The following ATP2B4 variants were observed in gnomAD, a reference collection of about 807,000 sequenced individuals.
ATP2B4 encodes plasma membrane calcium-transporting ATPase 4.
ATP2B4 carries 39 observed loss-of-function variants against 110.3 expected under a neutral mutation model. The ratio of observed to expected loss-of-function variants is 0.35; its 90% CI spans 0.27 to 0.46. The LOEUF (loss-of-function observed/expected upper bound fraction) is 0.46, where lower values mean the gene tolerates loss of function less well. Among genes scored for constraint, ATP2B4 ranks in the 20% least tolerant of loss-of-function variants. ATP2B4 has a pLI of 1.00. For synonymous variants in ATP2B4, 538 were observed against 571.7 expected, an observed-to-expected ratio of 0.94 and a Z score of 0.84; for missense variants, 1,135 against 1,530.9, an observed-to-expected ratio of 0.74 and a Z score of 4.32.
intron 1 of ATP2B4, among the ~76,000 whole-genome samples, chr1:203,680,197 C>T (rs1664960537): frequency 6.6e-6 from 1 of 151,992 alleles, no homozygotes; most frequent in Non-Finnish European, 1.5e-5. Context: ...AATGAAGCTG[C>T]CTTAGAATTT....
intron 2 of ATP2B4, among the ~76,000 whole-genome samples, chr1:203,696,512 G>A (rs1665537539): frequency 6.6e-6 from 1 of 152,056 alleles, no homozygotes; most frequent in Non-Finnish European, 1.5e-5. Flanking sequence ...CTGCCTCTGG[G>A]AAACCCTTCA....
rs1553244495 is a variant in ATP2B4, at chr1:203,655,646, A to AAAT, written c.-464-27078_-464-27076dup. On this transcript the variant is annotated intron_variant, in intron 1 of 20. Transcript: ENST00000357681. ...GGGCAACATAGCAAGACTCCATCTC[A>AAAT]AATAATAATAATAATAATAAATAAA... Among the ~76,000 whole-genome samples the AAAT allele has an allele frequency of 1.6e-4, 24 of 151,850 alleles. 1 individual carries two copies. Among genetic ancestry groups the AAAT allele is most frequent in the Middle Eastern group, 3.4e-3 (1 of 290 alleles).
At position 203,739,768 on chromosome 1, in the gene ATP2B4, A is replaced by G; in HGVS notation, c.3532A>G (p.Asn1178Asp). The G allele has an allele frequency of 6.2e-7, 1 of 1,614,210 alleles. No individual in the cohort carries two copies. The highest frequency in any genetic ancestry group is 2.2e-5 in the East Asian group (1 of 44,878). ...LLDGEVTPYA[N>D]TNNNAVDCNQ... ...GGATGGTGAGGTCACTCCATATGCC[A>G]ATACAAACAACAATGCGGTGGATTG... Residue 1178 changes from asparagine (N) to aspartate (D), a missense_variant, in exon 21 of 21, where the codon AAT (asparagine) becomes GAT (aspartate). Physicochemically the swap from Asn to Asp is conservative, Grantham distance 23. This residue lies in a region of ATP2B4 where 92 missense variants were observed against 82.5 expected (regional missense o/e 1.11). Transcript: ENST00000357681.
At chr1:203,685,374 TAGCATG>T (rs1275747748) in intron 2 of ATP2B4, among the ~76,000 whole-genome samples, 1 of 152,218 alleles carries the variant, frequency 6.6e-6, no homozygotes. Context: ...CATGGTTGAG[TAGCATG>T]AGATGGAGCA....
At chr1:203,642,380 G>A (rs915201567) in intron 1 of ATP2B4, among the ~76,000 whole-genome samples, 7 of 152,184 alleles carry the variant, frequency 4.6e-5, no homozygotes, top group Non-Finnish European at 8.8e-5. Flanking sequence ...CACTGCACCT[G>A]GCCTCACAGT....
chr1:203,702,987 G>T (rs1368602769), intron 7 of ATP2B4, among the ~76,000 whole-genome samples: 1 of 152,062 alleles, frequency 6.6e-6, no homozygotes, highest in Admixed American at 6.6e-5. Context: ...TATTCCAGGA[G>T]GTCCCTCACA....
chr1:203,645,067 A>C (rs1239583948), intron 1 of ATP2B4, among the ~76,000 whole-genome samples: 1 of 152,196 alleles, frequency 6.6e-6, no homozygotes, highest in African/African-American at 2.4e-5. Flanking sequence ...ACTGCTTAAC[A>C]ACAATGTCAG....
chr1:203,737,512 A>G (rs1392194856), intron 20 of ATP2B4, among the ~76,000 whole-genome samples: 1 of 152,142 alleles, frequency 6.6e-6, no homozygotes, highest in Non-Finnish European at 1.5e-5. Flanking sequence ...GACTCACTCA[A>G]TCCAAATTGC....
At chr1:203,711,147 G>T (rs2102400563) in intron 12 of ATP2B4, 39 bp downstream of exon 12, 1 of 1,586,382 alleles carries the variant, frequency 6.3e-7, no homozygotes, top group East Asian at 2.2e-5. Context: ...CTCAGGAAGT[G>T]GGGTACTAGT....
chr1:203,673,629 G>A (rs1292710162), intron 1 of ATP2B4, among the ~76,000 whole-genome samples: 1 of 152,242 alleles, frequency 6.6e-6, no homozygotes, highest in Non-Finnish European at 1.5e-5. Flanking sequence ...CTGTCAGAGT[G>A]GAGAAAGGGA....
chr1:203,669,627 G>A (rs978051837), intron 1 of ATP2B4, among the ~76,000 whole-genome samples: 2 of 151,830 alleles, frequency 1.3e-5, no homozygotes, highest in African/African-American at 4.8e-5. Flanking sequence ...AGTAGAGACG[G>A]AGTTTCTCCA....
At chr1:203,725,506 T>A (rs1666482830) in intron 19 of ATP2B4, among the ~76,000 whole-genome samples, 1 of 152,206 alleles carries the variant, frequency 6.6e-6, no homozygotes, top group South Asian at 2.1e-4. Flanking sequence ...CCAATCTGTG[T>A]CTCAGTGTCT....
intron 2 of ATP2B4, among the ~76,000 whole-genome samples, chr1:203,686,694 T>C (rs1665198089): frequency 2.3e-5 from 3 of 131,556 alleles, no homozygotes; most frequent in African/African-American, 5.9e-5. Context: ...TCTTTTTTTT[T>C]TTTTTTTTTT....
At chr1:203,635,539 G>A (rs1663412606) in intron 1 of ATP2B4, among the ~76,000 whole-genome samples, 1 of 152,098 alleles carries the variant, frequency 6.6e-6, no homozygotes, top group South Asian at 2.1e-4. Flanking sequence ...CTGTGCACCT[G>A]TCTGTAGTCC....
Position 203,724,453 on chromosome 1 carries a change from C to T in ATP2B4, c.3132+465C>T, listed in dbSNP as rs139057782. On this transcript the variant is annotated intron_variant, in intron 19 of 20. Transcript: ENST00000357681. ...AATGGCGTGAACCTGGGAGGTGGAG[C>T]TTGCAGTGAGCCGAGATTGCGCCAC... 2.7e-3 allele frequency among the ~76,000 whole-genome samples: 404 copies of T among 151,854 alleles called. 1 individual carries two copies. The highest frequency in any genetic ancestry group is 9.2e-3 in the African/African-American group (383 of 41,418).
At chr1:203,637,202 C>T (rs1034312868) in intron 1 of ATP2B4, among the ~76,000 whole-genome samples, 2 of 152,206 alleles carry the variant, frequency 1.3e-5, no homozygotes, top group East Asian at 3.8e-4. Context: ...AAGGCCGAGG[C>T]AGGCGGATCA....
At chr1:203,694,711 C>T (rs1245853839) in intron 2 of ATP2B4, among the ~76,000 whole-genome samples, 5 of 152,060 alleles carry the variant, frequency 3.3e-5, no homozygotes, top group East Asian at 1.9e-4. Flanking sequence ...GCAGATGAAT[C>T]GCATGTACTG....
intron 2 of ATP2B4, among the ~76,000 whole-genome samples, chr1:203,683,666 CTTTTTTTTTT>C (rs11326748): frequency 1.3e-5 from 1 of 77,700 alleles, no homozygotes; most frequent in African/African-American, 4.7e-5. Flanking sequence ...TCTTTTGTTT[CTTTTTTTTTT>C]TTTTTTTTTT....
At position 203,721,252 on chromosome 1, in the gene ATP2B4, T is replaced by G. The variant is rs772573090; in HGVS notation, c.2654T>G (p.Phe885Cys). 5.6e-6 allele frequency: 9 copies of G among 1,614,250 alleles called. No individual in the cohort carries two copies. Among genetic ancestry groups the G allele is most frequent in the Non-Finnish European group, 6.8e-6 (8 of 1,180,036 alleles). ...TGGGTTAATCTGATCATGGACACTT[T>G]TGCTTCATTGGCCCTGGCCACAGAG... is the stretch of plus-strand genomic sequence containing the variant. ...MLWVNLIMDT[F>C]ASLALATEPP... The change falls in exon 17 of 21, where the codon TTT becomes TGT. Residue 885 changes from phenylalanine to cysteine, a missense_variant. Phe to Cys is a radical substitution (Grantham distance 205). This residue lies in a region of ATP2B4 where 70 missense variants were observed against 142.4 expected (regional missense o/e 0.49). Transcript: ENST00000357681.
Sources: gnomAD v4.1 joint callset for allele counts (sites outside exome capture counted in the v4.1 genomes callset) on GRCh38, gnomAD v4.1.1 for gene constraint, gnomAD v4.1.1 regional missense constraint, MANE v1.5 for transcripts, NCBI Gene and HGNC (gene_info 2026-07-23, HGNC 2026-07-21) for gene names.